SZT2: variants seen among roughly 807,000 people sequenced by gnomAD.
SZT2 encodes SZT2 subunit of KICSTOR complex.
Under a neutral mutation model 404.2 loss-of-function variants are expected in SZT2, and 216 were observed. The observed-to-expected ratio is 0.53, with a 90% CI of 0.48 to 0.60. SZT2 has a LOEUF of 0.60. Ranked by LOEUF, SZT2 falls within the 20% of genes least tolerant of loss-of-function variation. The pLI, the probability that SZT2 is intolerant of heterozygous loss-of-function variation, is 0.00. For synonymous variants in SZT2, 1,693 were observed against 1,749.9 expected (o/e 0.97, Z 0.81); for missense variants, 3,857 against 4,459.2 (o/e 0.86, Z 3.85).
In SZT2 at chr1:43,424,778, C is replaced by A; in HGVS notation, c.2472-6C>A. 1 of 1,613,760 alleles carries A rather than the reference C, an allele frequency of 6.2e-7. No individual in the cohort carries two copies. Among genetic ancestry groups the A allele is most frequent in the Non-Finnish European group, 8.5e-7 (1 of 1,179,702 alleles). On this transcript the variant is annotated splice_region_variant and splice_polypyrimidine_tract_variant and intron_variant, in intron 16 of 71. Coordinates refer to ENST00000634258, the MANE Select transcript of SZT2 (RefSeq NM_001365999.1). The surrounding 1 kb of genome is among the most constrained non-coding windows in gnomAD (Gnocchi z 4.1). Reference sequence around the variant, plus strand: ...TGGCCTTGCCCCGGCCTTTATGGGGCTTCAGAGTCCGACTTTCTGAAGGAT... The same window carrying A: ...TGGCCTTGCCCCGGCCTTTATGGGGATTCAGAGTCCGACTTTCTGAAGGAT...
chr1:43,450,202 C>T lies in SZT2; in HGVS notation c.10155+31C>T, dbSNP rs375947542. ...AACGAGTGGGGGGCTTTGTGTCAGC[C>T]TCATGGGAGGCCGTACCCCAAATGC... On this transcript the variant is annotated intron_variant, in intron 71 of 71. Transcript: ENST00000634258. The surrounding 1 kb of genome is among the most constrained non-coding windows in gnomAD (Gnocchi z 4.3). The T allele has an allele frequency of 1.9e-6, 3 of 1,613,934 alleles. No homozygotes were observed. The highest frequency in any genetic ancestry group is 2.7e-5 in the African/African-American group (2 of 74,908).
At chr1:43,421,381 C>CTTCT in intron 11 of SZT2, 78 bp downstream of exon 11, 1 of 1,546,346 alleles carries the variant, frequency 6.5e-7, no homozygotes, top group South Asian at 1.2e-5. Context: ...GGACCACCAC[C>CTTCT]TTCTATTCCT....
In SZT2 at chr1:43,424,979, A is replaced by AG; in HGVS notation, c.2550+119dup. On this transcript the variant is annotated intron_variant, in intron 17 of 71. Coordinates refer to ENST00000634258, the MANE Select transcript of SZT2 (RefSeq NM_001365999.1). This position sits in a 1 kb window ranked among gnomAD's most constrained non-coding sequence, Gnocchi z 4.1. Reference sequence around the variant, plus strand: ...TGCCTCACAGGGACCCTGTGGCCAGAGGATGCTCAAGGTCTGAGGCTGCAG... The same window carrying AG: ...TGCCTCACAGGGACCCTGTGGCCAGAGGGATGCTCAAGGTCTGAGGCTGCAG... 6.8e-7 allele frequency: 1 copy of AG among 1,480,832 alleles called. No individual in the cohort carries two copies. 91.7% of individuals were successfully genotyped at this position (1,480,832 alleles called of 1,614,324 possible).
At chr1:43,447,294 A>G in intron 66 of SZT2, 126 bp downstream of exon 66, 1 of 1,174,700 alleles carries the variant, frequency 8.5e-7, no homozygotes, top group Non-Finnish European at 1.2e-6. Context: ...CATGTCACAC[A>G]TACCACGTCC....
Position 43,452,362 on chromosome 1 carries a change from C to G in SZT2, c.*1882C>G. 6.9e-7 allele frequency: 1 copy of G among 1,459,408 alleles called. No homozygotes were observed. Among genetic ancestry groups the G allele is most frequent in the African/African-American group, 1.4e-5 (1 of 71,762 alleles). The allele number at this position is 1,459,408 out of a possible 1,614,324, so 90.4% of individuals were successfully genotyped here. Reference sequence around the variant, plus strand: ...TGGAGGCCTTGCCTCCCTTGGCTCTCTCTGCACCTCTTCCAGGATTCCCTG... The same window carrying G: ...TGGAGGCCTTGCCTCCCTTGGCTCTGTCTGCACCTCTTCCAGGATTCCCTG... On this transcript the variant is annotated 3_prime_UTR_variant, in exon 72 of 72. Transcript: ENST00000634258.
In SZT2 at chr1:43,432,364, G is replaced by A. The variant is rs1285803376; in HGVS notation, c.5367G>A (p.Gly1789=). The A allele has an allele frequency of 5.0e-6, 8 of 1,606,324 alleles. No homozygotes were observed. The highest frequency in any genetic ancestry group is 6.8e-6 in the Non-Finnish European group (8 of 1,176,728). The change falls in exon 37 of 72, where the codon GGG becomes GGA. Residue 1789 remains glycine (G), a synonymous_variant. Coordinates refer to ENST00000634258, the MANE Select transcript of SZT2 (RefSeq NM_001365999.1). ...FFVAAGQQPG[G]SHGEPSSAAW... Reference sequence around the variant, plus strand: ...TGGCAGCTGGCCAACAGCCAGGTGGGTCCCATGGGGAGCCTTCTTCAGCGG... The same window carrying A: ...TGGCAGCTGGCCAACAGCCAGGTGGATCCCATGGGGAGCCTTCTTCAGCGG...
At chr1:43,401,800 T>C (rs895281443) in intron 1 of SZT2, among the ~76,000 whole-genome samples, 6 of 152,192 alleles carry the variant, frequency 3.9e-5, no homozygotes, top group Admixed American at 6.5e-5. Flanking sequence ...TTTTTTCTTT[T>C]ACATAGTACT....
In SZT2 at chr1:43,440,027, T is replaced by C; in HGVS notation, c.7189T>C (p.Cys2397Arg). 1 of 1,614,030 alleles carries C rather than the reference T, an allele frequency of 6.2e-7. No individual in the cohort carries two copies. Among genetic ancestry groups the C allele is most frequent in the Non-Finnish European group, 8.5e-7 (1 of 1,179,940 alleles). ...GCTTCAGCTGCTGCCAGCTTCACTA[T>C]GTACAGAGGACACACCCACAGGTAT... Reference protein sequence around the residue: ...IELQLLPASLCTEDTPTGSLR... With the variant: ...IELQLLPASLRTEDTPTGSLR... The change falls in exon 51 of 72, where the codon TGT becomes CGT. Residue 2397 changes from cysteine (C) to arginine (R), a missense_variant. This residue lies in a region of SZT2 where 573 missense variants were observed against 592.4 expected (regional missense o/e 0.97). Transcript: ENST00000634258.
chr1:43,429,499 GAAAGAAA>G (rs765729038), intron 28 of SZT2, 197 bp from the exon 29 acceptor site: 106 of 593,812 alleles, frequency 1.8e-4, no homozygotes, highest in Non-Finnish European at 2.7e-4. Flanking sequence ...CAAAAAAAAG[GAAAGAAA>G]AAAGAAAAAG....
chr1:43,422,811 C>T lies in SZT2; in HGVS notation c.1965C>T (p.Ile655=). Residue 655 remains isoleucine, a synonymous_variant, in exon 14 of 72, where the codon ATC becomes ATT. Transcript: ENST00000634258. ...CCAATTCCTTCTACATGGTCCGTAT[C>T]ATTTCCAAGGCCCCATGCATGGTTC... is the stretch of plus-strand genomic sequence containing the variant. ...QPPNSFYMVR[I]ISKAPCMVLR... 6.3e-7 allele frequency: 1 copy of T among 1,594,142 alleles called. No individual in the cohort carries two copies. Among genetic ancestry groups the T allele is most frequent in the Non-Finnish European group, 8.5e-7 (1 of 1,177,972 alleles).
Position 43,443,383 on chromosome 1 carries a change from CCCG to C in SZT2, c.8534_8536del (p.Arg2845del), listed in dbSNP as rs1655292292. The stretch of plus-strand genomic sequence containing the variant: ...GAGCTGGAGACCCTGAAGCAGTCAT[CCCG>C]CCTGGTGCATTACTGTGCAACAGCC... On this transcript the variant is annotated inframe_deletion, in exon 61 of 72. Coordinates refer to ENST00000634258, the MANE Select transcript of SZT2 (RefSeq NM_001365999.1). The C allele has an allele frequency of 6.2e-7, 1 of 1,614,088 alleles. No homozygotes were observed. The highest frequency in any genetic ancestry group is 1.3e-5 in the African/African-American group (1 of 74,936).
chr1:43,423,444 G>A (rs983260421), intron 15 of SZT2, 128 bp downstream of exon 15: 4 of 910,476 alleles, frequency 4.4e-6, no homozygotes, highest in East Asian at 3.1e-5. Context: ...GGGTATGAGT[G>A]GTACAAAGGT....
At chr1:43,445,364 G>C (rs925443026) in intron 62 of SZT2, 1 of 155,776 alleles carries the variant, frequency 6.4e-6, no homozygotes, top group Non-Finnish European at 1.4e-5. Context: ...GCCCCTTGGC[G>C]TGAGTGGGTC....
At position 43,420,364 on chromosome 1, in the gene SZT2, C is replaced by G. The variant is rs760927339; in HGVS notation, c.1261+41C>G. The G allele has an allele frequency of 6.6e-7, 1 of 1,508,390 alleles. No homozygotes were observed. The highest frequency in any genetic ancestry group is 8.8e-7 in the Non-Finnish European group (1 of 1,131,666). The allele number at this position is 1,508,390 out of a possible 1,614,324, so 93.4% of individuals were successfully genotyped here. A position where few individuals can be genotyped will look rare whatever the true frequency, so the allele number is the denominator to read the frequency against. Reference sequence around the variant, plus strand: ...CCCTGCTGTAATCCCATAGATCTCTCAAGAATTTGTGTGTGGGAAGACCCA... The same window carrying G: ...CCCTGCTGTAATCCCATAGATCTCTGAAGAATTTGTGTGTGGGAAGACCCA... On this transcript the variant is annotated intron_variant, in intron 9 of 71. Transcript: ENST00000634258. This position sits in a 1 kb window ranked among gnomAD's most constrained non-coding sequence, Gnocchi z 5.1.
intron 6 of SZT2, 38 bp downstream of exon 6, chr1:43,416,139 G>A (rs1171267526): frequency 6.3e-7 from 1 of 1,590,514 alleles, no homozygotes; most frequent in Admixed American, 1.7e-5. Context: ...GGGGAAGCAG[G>A]GATACAGGAA....
rs759785115 is a variant in SZT2 at position 43,441,171 on chromosome 1, C to G, written c.7345-43C>G. 7.5e-6 allele frequency: 12 copies of G among 1,598,770 alleles called. No individual in the cohort carries two copies. Reference sequence around the variant, plus strand: ...CATAGTGCCCCCATCCCACACCTTTCCTCTTCCCAGTAGCCCTTCCTCATT... The same window carrying G: ...CATAGTGCCCCCATCCCACACCTTTGCTCTTCCCAGTAGCCCTTCCTCATT... On this transcript the variant is annotated intron_variant, in intron 52 of 71. Transcript: ENST00000634258. The surrounding 1 kb of genome is among the most constrained non-coding windows in gnomAD (Gnocchi z 4.8).
In SZT2 at chr1:43,442,219, A is replaced by G. The variant is rs777340846; in HGVS notation, c.7874-49A>G. The G allele has an allele frequency of 1.9e-6, 3 of 1,602,432 alleles. No homozygotes were observed. The highest frequency in any genetic ancestry group is 2.6e-6 in the Non-Finnish European group (3 of 1,173,718). On this transcript the variant is annotated intron_variant, in intron 56 of 71. Coordinates refer to ENST00000634258, the MANE Select transcript of SZT2 (RefSeq NM_001365999.1). The surrounding 1 kb of genome is among the most constrained non-coding windows in gnomAD (Gnocchi z 4.5). ...CCTTGCAGAGGGGAGGGTGGGATCAAGGGGGATCTGTTCCCAGGCCCCTAT... is the reference window on the plus strand; with the variant it reads ...CCTTGCAGAGGGGAGGGTGGGATCAGGGGGGATCTGTTCCCAGGCCCCTAT...
At chr1:43,433,240 C>G in intron 40 of SZT2, 50 bp downstream of exon 40, 1 of 1,582,422 alleles carries the variant, frequency 6.3e-7, no homozygotes, top group Admixed American at 1.7e-5. Context: ...AACCTCTTCT[C>G]TCTGCTCCCA....
rs769086655 is a variant in SZT2, at chr1:43,428,499, C to T, written c.4166+13C>T. On this transcript the variant is annotated intron_variant, in intron 28 of 71. Transcript: ENST00000634258. ...CTTCTGAATCCAGGTTAGGATTATA[C>T]TTGAATGATGGATAAGGGGGTACAC... The T allele has an allele frequency of 6.3e-5, 101 of 1,611,202 alleles. 1 individual carries two copies. The South Asian group carries it at 1.1e-3, about 17-fold the overall frequency.
Sources: gnomAD v4.1 joint callset for allele counts (sites outside exome capture counted in the v4.1 genomes callset) on GRCh38, gnomAD v4.1.1 for gene constraint, gnomAD v4.1.1 regional missense constraint, Gnocchi (gnomAD v3.1) non-coding constraint, MANE v1.5 for transcripts, NCBI Gene and HGNC (gene_info 2026-07-23, HGNC 2026-07-21) for gene names.